SNTG1: variants seen among roughly 807,000 people sequenced by gnomAD.
SNTG1 encodes the protein gamma-1-syntrophin.
Under a neutral mutation model 74.7 loss-of-function variants are expected in SNTG1, and 39 were observed. That is an observed-to-expected ratio of 0.52 (90% CI 0.40 to 0.68). The LOEUF is 0.68. Among genes scored for constraint, SNTG1 ranks in the 30% least tolerant of loss-of-function variants. The pLI is 0.00. For missense variants in SNTG1, 685 were observed against 609.5 expected (o/e 1.12, Z -1.30); for synonymous variants, 254 against 217.1 (o/e 1.17, Z -1.49).
At chr8:50,404,171 T>A (rs1274914170) in intron 4 of SNTG1, among the ~76,000 whole-genome samples, 2 of 151,972 alleles carry the variant, frequency 1.3e-5, no homozygotes, top group Non-Finnish European at 2.9e-5. Context: ...GAAAATGCAA[T>A]CCACAATAAG....
chr8:50,674,758 G>A (rs537429973), intron 15 of SNTG1, among the ~76,000 whole-genome samples: 52 of 152,098 alleles, frequency 3.4e-4, no homozygotes, highest in African/African-American at 1.2e-3. Context: ...TGTGATGTTA[G>A]GGTGTAGATT....
Position 50,191,944 on chromosome 8 carries a change from A to G in SNTG1, c.-28+19309A>G, listed in dbSNP as rs571221821. On this transcript the variant is annotated intron_variant, in intron 2 of 18. Coordinates refer to ENST00000642720, the MANE Select transcript of SNTG1 (RefSeq NM_018967.5). Reference sequence around the variant, plus strand: ...AAATGTAATAAAAACAAAGAAAAATAGCTGGGGCCTAATTAAACTAAAGAG... The same window carrying G: ...AAATGTAATAAAAACAAAGAAAAATGGCTGGGGCCTAATTAAACTAAAGAG... 2.6e-5 allele frequency among the ~76,000 whole-genome samples: 4 copies of G among 152,164 alleles called. No individual in the cohort carries two copies. The South Asian group carries it at 6.2e-4, about 24-fold the overall frequency.
chr8:50,359,779 T>C (rs1210234730), intron 2 of SNTG1, among the ~76,000 whole-genome samples: 2 of 152,208 alleles, frequency 1.3e-5, no homozygotes, highest in Non-Finnish European at 2.9e-5. Context: ...AGGATAAAGA[T>C]TAATACTATT....
intron 4 of SNTG1, among the ~76,000 whole-genome samples, chr8:50,417,628 C>T (rs1341528036): frequency 6.6e-6 from 1 of 152,110 alleles, no homozygotes; most frequent in African/African-American, 2.4e-5. Flanking sequence ...CTTGTCCATT[C>T]AGTCCCTTGC....
At chr8:50,597,382 CATAT>C (rs745629469) in intron 13 of SNTG1, among the ~76,000 whole-genome samples, 1,846 of 92,652 alleles carry the variant, frequency 0.02, 45 homozygotes, top group African/African-American at 0.19. Context: ...TATATATACA[CATAT>C]ATACATATAT....
intron 13 of SNTG1, among the ~76,000 whole-genome samples, chr8:50,629,905 A>G (rs149471028): frequency 4.6e-4 from 70 of 152,332 alleles, no homozygotes; most frequent in East Asian, 4.2e-3. Context: ...AAAGAAATGC[A>G]TAACAGTGCT....
chr8:50,618,717 G>A (rs1358164505), intron 13 of SNTG1, among the ~76,000 whole-genome samples: 1 of 152,128 alleles, frequency 6.6e-6, no homozygotes, highest in Non-Finnish European at 1.5e-5. Flanking sequence ...TATGACTGAT[G>A]GCCCAGCTTC....
chr8:50,328,098 T>C (rs971496582), intron 2 of SNTG1, among the ~76,000 whole-genome samples: 1 of 152,194 alleles, frequency 6.6e-6, no homozygotes, highest in Non-Finnish European at 1.5e-5. Context: ...ATAAAAGTTT[T>C]ATTCTACCTT....
At chr8:49,952,092 A>G (rs568125090) in intron 1 of SNTG1, among the ~76,000 whole-genome samples, 19 of 152,046 alleles carry the variant, frequency 1.2e-4, no homozygotes, top group Non-Finnish European at 2.5e-4. Context: ...TTTAGATCTA[A>G]ATGTTTTTAT....
At chr8:50,211,919 G>C (rs1263955634) in intron 2 of SNTG1, among the ~76,000 whole-genome samples, 1 of 151,936 alleles carries the variant, frequency 6.6e-6, no homozygotes, top group African/African-American at 2.4e-5. Context: ...CTCTCAAGGT[G>C]TTATTATTTT....
chr8:50,548,620 G>C (rs1040590027), intron 11 of SNTG1, among the ~76,000 whole-genome samples: 1 of 126,692 alleles, frequency 7.9e-6, no homozygotes, highest in African/African-American at 4.1e-5. Flanking sequence ...CAAGGAGCTA[G>C]CAGCTTGGTA....
chr8:50,773,892 T>A (rs2095633450), intron 18 of SNTG1, among the ~76,000 whole-genome samples: 1 of 152,054 alleles, frequency 6.6e-6, no homozygotes, highest in Non-Finnish European at 1.5e-5. Flanking sequence ...TAGAGAATGT[T>A]AATGAAAGGA....
intron 4 of SNTG1, among the ~76,000 whole-genome samples, chr8:50,417,899 C>G (rs1192226056): frequency 6.6e-6 from 1 of 152,064 alleles, no homozygotes; most frequent in African/African-American, 2.4e-5. Flanking sequence ...TCCACCCTTG[C>G]ATGCATCTTC....
At chr8:50,078,736 C>A (rs1483929079) in intron 1 of SNTG1, among the ~76,000 whole-genome samples, 1 of 152,104 alleles carries the variant, frequency 6.6e-6, no homozygotes, top group Non-Finnish European at 1.5e-5. Context: ...CGACAGGCCC[C>A]AGCGTGTGAT....
intron 1 of SNTG1, among the ~76,000 whole-genome samples, chr8:50,005,731 A>G (rs1472662452): frequency 2.6e-5 from 4 of 152,020 alleles, no homozygotes; most frequent in African/African-American, 9.7e-5. Flanking sequence ...TCCATGTGAT[A>G]AAATTAGATT....
At chr8:50,686,094 AAT>A (rs1442023921) in intron 15 of SNTG1, among the ~76,000 whole-genome samples, 4 of 152,176 alleles carry the variant, frequency 2.6e-5, no homozygotes, top group Non-Finnish European at 5.9e-5. Context: ...AGATATTAGA[AAT>A]ATTATGGACT....
At chr8:50,448,610 T>G (rs1296189898) in intron 5 of SNTG1, among the ~76,000 whole-genome samples, 1 of 152,220 alleles carries the variant, frequency 6.6e-6, no homozygotes, top group Non-Finnish European at 1.5e-5. Context: ...CTACTGCTTT[T>G]AACCTTCTCA....
chr8:50,501,085 G>A (rs952221780), intron 8 of SNTG1, among the ~76,000 whole-genome samples: 3 of 152,128 alleles, frequency 2.0e-5, no homozygotes, highest in Non-Finnish European at 2.9e-5. Context: ...CAGGGGGAAG[G>A]CTAGCACTTC....
chr8:50,497,566 A>G (rs1563477423), intron 8 of SNTG1, among the ~76,000 whole-genome samples: 1 of 152,038 alleles, frequency 6.6e-6, no homozygotes, highest in Admixed American at 6.6e-5. Flanking sequence ...TTCTAAGCCA[A>G]AAAAAGCAAA....
Sources: allele counts gnomAD v4.1 joint callset (sites outside exome capture counted in the v4.1 genomes callset), GRCh38; gene constraint gnomAD v4.1.1; transcripts MANE v1.5; gene names NCBI Gene and HGNC (gene_info 2026-07-23, HGNC 2026-07-21).